FARP1: variants seen among roughly 807,000 people sequenced by gnomAD.
The protein encoded by FARP1 is FERM, ARHGEF and pleckstrin domain-containing protein 1.
In FARP1, 52 loss-of-function variants were observed where a neutral mutation model predicts 128.8. The ratio of observed to expected loss-of-function variants is 0.40; its 90% CI spans 0.32 to 0.51. The LOEUF (loss-of-function observed/expected upper bound fraction) is 0.51. FARP1 is among the 20% of genes least tolerant of loss of function. The pLI, the probability that FARP1 is intolerant of heterozygous loss-of-function variation, is 0.45. For missense variants in FARP1, 1,333 were observed against 1,367.9 expected (o/e 0.97, Z 0.40); for synonymous variants, 580 against 551.8 (o/e 1.05, Z -0.72).
At chr13:98,388,627 T>C in intron 9 of FARP1, 149 bp downstream of exon 9, 7 of 647,614 alleles carry the variant, frequency 1.1e-5, no homozygotes, top group Non-Finnish European at 2.0e-5. Flanking sequence ...CGAGCGTCTC[T>C]AGGACAGATG....
intron 2 of FARP1, among the ~76,000 whole-genome samples, chr13:98,325,453 T>C (rs186339518): frequency 1.1e-4 from 17 of 152,342 alleles, no homozygotes; most frequent in African/African-American, 4.1e-4. Context: ...AAATTTAGGT[T>C]AGGCTGATGA....
intron 26 of FARP1, chr13:98,447,066 T>C (rs1412947901): frequency 6.3e-6 from 3 of 477,262 alleles, no homozygotes; most frequent in South Asian, 2.6e-5. Context: ...TGCTTGGAGA[T>C]CTCTGACATA....
chr13:98,181,053 C>CT (rs113512344), intron 1 of FARP1, among the ~76,000 whole-genome samples: 13,317 of 145,828 alleles, frequency 0.091, 1,381 homozygotes, highest in East Asian at 0.56. Flanking sequence ...ATTTTTAAGT[C>CT]TTTTTTTTTT....
intron 13 of FARP1, chr13:98,407,387 G>A (rs1480779135): frequency 6.6e-6 from 1 of 151,530 alleles, no homozygotes; most frequent in Non-Finnish European, 1.5e-5. Context: ...TGAAACAACT[G>A]CAGTTCTAAC....
intron 16 of FARP1, among the ~76,000 whole-genome samples, chr13:98,420,412 C>T (rs902511601): frequency 8.5e-5 from 13 of 152,128 alleles, no homozygotes; most frequent in African/African-American, 2.9e-4. Flanking sequence ...ATTTTCATGT[C>T]CTTTACTTCT....
chr13:98,179,398 G>A (rs1436885994), intron 1 of FARP1, among the ~76,000 whole-genome samples: 1 of 152,180 alleles, frequency 6.6e-6, no homozygotes, highest in African/African-American at 2.4e-5. Flanking sequence ...GATTTGGGTG[G>A]GGACATAGCC....
rs550459808 is a variant in FARP1 at position 98,372,121 on chromosome 13, C to G, written c.398+3926C>G. Among the ~76,000 whole-genome samples the G allele has an allele frequency of 4.3e-4, 57 of 131,614 alleles. 1 individual carries two copies. Among genetic ancestry groups the G allele is most frequent in the Admixed American group, 1.8e-4 (2 of 11,418 alleles). The allele number at this position is 131,614 out of a possible 152,430, so 86.3% of individuals were successfully genotyped here. On this transcript the variant is annotated intron_variant, in intron 5 of 26. Transcript: ENST00000319562. ...TTTTTTTTGGCGATGGAGTCTCGCT[C>G]TGTCGCCCAGGCTGGAGTGCAATGG...
At chr13:98,212,818 C>G (rs1006401260) in intron 1 of FARP1, among the ~76,000 whole-genome samples, 1 of 152,100 alleles carries the variant, frequency 6.6e-6, no homozygotes. Flanking sequence ...AGAATACCCA[C>G]AGTACTTAGC....
chr13:98,296,741 G>GAT (rs1885714852), intron 2 of FARP1, among the ~76,000 whole-genome samples: 2 of 135,940 alleles, frequency 1.5e-5, no homozygotes, highest in Admixed American at 8.0e-5. Flanking sequence ...TGCCAGGCTA[G>GAT]AGTGCAGTGA....
At chr13:98,311,731 G>T (rs1270656997) in intron 2 of FARP1, among the ~76,000 whole-genome samples, 1 of 152,178 alleles carries the variant, frequency 6.6e-6, no homozygotes, top group Non-Finnish European at 1.5e-5. Context: ...CTCCTAGAGA[G>T]AACTCGTACT....
At chr13:98,361,141 C>T (rs1888856479) in intron 3 of FARP1, among the ~76,000 whole-genome samples, 1 of 152,152 alleles carries the variant, frequency 6.6e-6, no homozygotes, top group Non-Finnish European at 1.5e-5. Context: ...TCATCCATTT[C>T]TAATGGTTTA....
chr13:98,348,151 C>G (rs1888256754), intron 3 of FARP1, among the ~76,000 whole-genome samples: 1 of 152,218 alleles, frequency 6.6e-6, no homozygotes, highest in South Asian at 2.1e-4. Context: ...ATGTTCTACC[C>G]TTAATTAGAC....
chr13:98,153,307 T>C (rs1280771629), intron 1 of FARP1, among the ~76,000 whole-genome samples: 1 of 28,988 alleles, frequency 3.4e-5, no homozygotes, highest in East Asian at 1.8e-3. Context: ...AATATATTTA[T>C]ATATAAAATA....
chr13:98,286,643 T>C, intron 2 of FARP1, among the ~76,000 whole-genome samples: 1 of 152,202 alleles, frequency 6.6e-6, no homozygotes, highest in South Asian at 2.1e-4. Flanking sequence ...TTGTTCTGTC[T>C]TGGGTTTCCC....
intron 2 of FARP1, chr13:98,329,865 T>C (rs922139366): frequency 2.0e-5 from 3 of 152,172 alleles, no homozygotes; most frequent in African/African-American, 7.2e-5. Context: ...TGAGGGAGTG[T>C]GCCTTCCAGC....
At chr13:98,392,290 G>A (rs1401098212) in intron 11 of FARP1, among the ~76,000 whole-genome samples, 2 of 129,602 alleles carry the variant, frequency 1.5e-5, no homozygotes, top group African/African-American at 6.0e-5. Flanking sequence ...TTTGAGACCA[G>A]CCTGGGTAAC....
chr13:98,446,721 C>CTGAG lies in FARP1; in HGVS notation c.2962_2965dup (p.Ser989Ter), dbSNP rs1175880249. ...CTCGGCTACTCGCTCACCATCCCCT[C>CTGAG]TGAGTCCGAGAACATCCAGAAAGAC... On this transcript the variant is annotated frameshift_variant, in exon 26 of 27. Transcript: ENST00000319562. LOFTEE classifies it high-confidence loss of function. The CTGAG allele has an allele frequency of 6.2e-7, 1 of 1,614,096 alleles. No individual in the cohort carries two copies. The highest frequency in any genetic ancestry group is 8.5e-7 in the Non-Finnish European group (1 of 1,180,034).
At chr13:98,279,336 A>C (rs1489768459) in intron 2 of FARP1, among the ~76,000 whole-genome samples, 2 of 142,614 alleles carry the variant, frequency 1.4e-5, no homozygotes, top group East Asian at 3.9e-4. Flanking sequence ...TTCACTGAGA[A>C]TGTTGAAATA....
At chr13:98,177,442 T>C (rs183106529) in intron 1 of FARP1, among the ~76,000 whole-genome samples, 1 of 152,058 alleles carries the variant, frequency 6.6e-6, no homozygotes, top group Non-Finnish European at 1.5e-5. Flanking sequence ...AGGTCAGCAG[T>C]TTAAGACCAG....
Sources: gnomAD v4.1 joint callset for allele counts (sites outside exome capture counted in the v4.1 genomes callset) on GRCh38, gnomAD v4.1.1 for gene constraint, MANE v1.5 for transcripts, NCBI Gene and HGNC (gene_info 2026-07-23, HGNC 2026-07-21) for gene names.